Variants in GPC6 observed in about 807,000 individuals in gnomAD.
GPC6 encodes glypican 6, also known as glypican-6.
GPC6 carries 14 observed loss-of-function variants against 55.2 expected under a neutral mutation model. That is an observed-to-expected ratio of 0.25 (90% CI 0.17 to 0.40). The LOEUF is 0.40. Among genes scored for constraint, GPC6 ranks in the 10% least tolerant of loss-of-function variants. The pLI, the probability that GPC6 is intolerant of heterozygous loss-of-function variation, is 1.00. For synonymous variants in GPC6, 278 were observed against 259.6 expected, an observed-to-expected ratio of 1.07 and a Z score of -0.68; for missense variants, 641 against 708.5, an observed-to-expected ratio of 0.90 and a Z score of 1.08.
At chr13:93,766,166 A>G (rs972866169) in intron 2 of GPC6, among the ~76,000 whole-genome samples, 2 of 152,218 alleles carry the variant, frequency 1.3e-5, no homozygotes, top group Non-Finnish European at 2.9e-5. Flanking sequence ...TAAACTTTAT[A>G]AAAATTTTCA....
At chr13:94,246,350 G>T (rs535868470) in intron 4 of GPC6, among the ~76,000 whole-genome samples, 1 of 152,094 alleles carries the variant, frequency 6.6e-6, no homozygotes, top group African/African-American at 2.4e-5. Flanking sequence ...AGTGTATAAG[G>T]TTTTTAGTTT....
At chr13:94,347,188 T>C (rs1878334130) in intron 6 of GPC6, among the ~76,000 whole-genome samples, 1 of 152,172 alleles carries the variant, frequency 6.6e-6, no homozygotes, top group African/African-American at 2.4e-5. Context: ...GTAGTGTTGA[T>C]CATGGTCTCT....
chr13:94,305,950 G>C, intron 5 of GPC6, 30 bp from the exon 6 acceptor site: 1 of 1,610,452 alleles, frequency 6.2e-7, no homozygotes, highest in Non-Finnish European at 8.5e-7. Flanking sequence ...TCATTGTATA[G>C]CTGTTTTTAC....
intron 1 of GPC6, among the ~76,000 whole-genome samples, chr13:93,324,314 G>T (rs752884842): frequency 5.9e-5 from 9 of 151,938 alleles, no homozygotes; most frequent in Middle Eastern, 3.4e-3. Flanking sequence ...AGTTTGCAGG[G>T]GGGATGGTAA....
Position 93,824,781 on chromosome 13 carries a change from A to G in GPC6, c.320-5373A>G, listed in dbSNP as rs181755780. Among the ~76,000 whole-genome samples the G allele has an allele frequency of 4.6e-3, 701 of 152,160 alleles. 8 individuals carry two copies. The highest frequency in any genetic ancestry group is 0.016 in the African/African-American group (672 of 41,512). ...CTTTCTTTCTCTGAGGCGGGCCCAC[A>G]AAATCATCACTATCAAAGAGAAGTC... On this transcript the variant is annotated intron_variant, in intron 2 of 8. Transcript: ENST00000377047.
chr13:93,919,319 A>T (rs1877448233), intron 3 of GPC6, among the ~76,000 whole-genome samples: 1 of 152,202 alleles, frequency 6.6e-6, no homozygotes. Flanking sequence ...GTTGTTAAGG[A>T]AGGATAGGAT....
intron 2 of GPC6, among the ~76,000 whole-genome samples, chr13:93,809,665 G>A (rs1246432583): frequency 6.6e-6 from 1 of 152,158 alleles, no homozygotes; most frequent in African/African-American, 2.4e-5. Flanking sequence ...CCAGTTACAA[G>A]CCCCGTGCAG....
chr13:94,198,109 C>T (rs1021130356), intron 4 of GPC6, among the ~76,000 whole-genome samples: 12 of 152,086 alleles, frequency 7.9e-5, no homozygotes, highest in African/African-American at 2.2e-4. Flanking sequence ...ATAATAAATA[C>T]AAACAGGTGT....
At chr13:94,248,524 A>AAG (rs1891261588) in intron 4 of GPC6, among the ~76,000 whole-genome samples, 1 of 152,064 alleles carries the variant, frequency 6.6e-6, no homozygotes, top group Non-Finnish European at 1.5e-5. Context: ...TGCATTTAAA[A>AAG]TTTCCCATAA....
At chr13:93,338,180 A>C (rs1440226164) in intron 1 of GPC6, among the ~76,000 whole-genome samples, 1 of 152,216 alleles carries the variant, frequency 6.6e-6, no homozygotes, top group African/African-American at 2.4e-5. Flanking sequence ...TTTCCACTGC[A>C]AAGTCATTAT....
At chr13:94,073,714 C>T (rs763383725) in intron 4 of GPC6, among the ~76,000 whole-genome samples, 7 of 152,040 alleles carry the variant, frequency 4.6e-5, no homozygotes, top group East Asian at 1.9e-4. Context: ...TCTCCTGGAC[C>T]GCTAGGAGAC....
chr13:93,819,825 T>C (rs1886982225), intron 2 of GPC6, among the ~76,000 whole-genome samples: 1 of 152,206 alleles, frequency 6.6e-6, no homozygotes, highest in Non-Finnish European at 1.5e-5. Flanking sequence ...TTTCTTACTT[T>C]AAAAGATATC....
chr13:94,295,596 G>C (rs930275531), intron 5 of GPC6, among the ~76,000 whole-genome samples: 1 of 152,124 alleles, frequency 6.6e-6, no homozygotes, highest in African/African-American at 2.4e-5. Flanking sequence ...TCAAGGGAAG[G>C]GGTAGTGCAG....
intron 1 of GPC6, among the ~76,000 whole-genome samples, chr13:93,539,355 G>C (rs1882193298): frequency 6.6e-6 from 1 of 152,140 alleles, no homozygotes; most frequent in South Asian, 2.1e-4. Flanking sequence ...ATCATCACGT[G>C]AAAGATGATC....
intron 1 of GPC6, among the ~76,000 whole-genome samples, chr13:93,429,825 A>G (rs976301389): frequency 3.3e-5 from 5 of 152,120 alleles, no homozygotes; most frequent in African/African-American, 9.7e-5. Flanking sequence ...CTTGACCCAC[A>G]TGAAATAAAT....
intron 1 of GPC6, among the ~76,000 whole-genome samples, chr13:93,491,620 C>T (rs1282403182): frequency 4.1e-5 from 6 of 144,724 alleles, no homozygotes; most frequent in South Asian, 4.6e-4. Context: ...AATGGTAATG[C>T]CTAGGTTTTC....
chr13:94,121,803 G>A (rs959859616), intron 4 of GPC6, among the ~76,000 whole-genome samples: 1 of 151,998 alleles, frequency 6.6e-6, no homozygotes, highest in Non-Finnish European at 1.5e-5. Context: ...CCTCTCCAGG[G>A]TCTGTGGATT....
chr13:93,750,618 G>T (rs994381115), intron 2 of GPC6, among the ~76,000 whole-genome samples: 1 of 152,138 alleles, frequency 6.6e-6, no homozygotes, highest in Non-Finnish European at 1.5e-5. Flanking sequence ...ACACACCCCA[G>T]TATAGCCCAC....
At chr13:94,229,178 T>G (rs1338495911) in intron 4 of GPC6, among the ~76,000 whole-genome samples, 1 of 152,206 alleles carries the variant, frequency 6.6e-6, no homozygotes, top group African/African-American at 2.4e-5. Context: ...GATACATTGT[T>G]ATTTAACATA....
Sources: gnomAD v4.1 joint callset for allele counts (sites outside exome capture counted in the v4.1 genomes callset) on GRCh38, gnomAD v4.1.1 for gene constraint, MANE v1.5 for transcripts, NCBI Gene and HGNC (gene_info 2026-07-23, HGNC 2026-07-21) for gene names.